Variants in MIA2 observed in about 807,000 individuals in gnomAD.
MIA2 encodes the protein melanoma inhibitory activity protein 2.
MIA2 carries 127 observed loss-of-function variants against 167.8 expected under a neutral mutation model. That is an observed-to-expected ratio of 0.76 (90% CI 0.66 to 0.88). The LOEUF (loss-of-function observed/expected upper bound fraction) is 0.88, where lower values mean the gene tolerates loss of function less well. MIA2 is among the 40% of genes least tolerant of loss of function. MIA2 has a pLI of 0.00. For synonymous variants in MIA2, 552 were observed against 541.9 expected (o/e 1.02, Z -0.26); for missense variants, 1,690 against 1,624.7 (o/e 1.04, Z -0.69).
At chr14:39,266,662 C>A (rs1423849696) in intron 6 of MIA2, 1 of 985,452 alleles carries the variant, frequency 1.0e-6, no homozygotes, top group East Asian at 1.1e-4. Context: ...CCGGCGCGTG[C>A]CCCGCAGGCC....
intron 25 of MIA2, among the ~76,000 whole-genome samples, chr14:39,329,058 G>T (rs1310494639): frequency 1.3e-5 from 2 of 152,182 alleles, no homozygotes; most frequent in Admixed American, 1.3e-4. Context: ...ACTTTGGGTA[G>T]TATGGCCATT....
At chr14:39,377,496 A>AG (rs1232491568) in intron 23 of MIA2, among the ~76,000 whole-genome samples, 1 of 152,214 alleles carries the variant, frequency 6.6e-6, no homozygotes, top group Admixed American at 6.5e-5. Flanking sequence ...ATTATTTTGG[A>AG]GAGTCATAGC....
intron 9 of MIA2, among the ~76,000 whole-genome samples, chr14:39,287,948 G>A (rs1178325122): frequency 1.3e-5 from 2 of 152,124 alleles, no homozygotes; most frequent in Non-Finnish European, 2.9e-5. Context: ...GGGGTCATGT[G>A]ATTCTCCCAC....
chr14:39,378,273 A>T (rs1190892296), intron 23 of MIA2, among the ~76,000 whole-genome samples: 2 of 152,374 alleles, frequency 1.3e-5, no homozygotes, highest in East Asian at 3.8e-4. Context: ...GTGTTAAACA[A>T]AAAGTCATAA....
At chr14:39,373,547 C>T (rs987439880) in intron 23 of MIA2, among the ~76,000 whole-genome samples, 3 of 152,260 alleles carry the variant, frequency 2.0e-5, no homozygotes, top group Admixed American at 6.5e-5. Context: ...TAGGGCTAGG[C>T]GTGGTGGTTC....
chr14:39,344,938 A>G (rs976503282), intron 25 of MIA2, among the ~76,000 whole-genome samples: 12 of 152,184 alleles, frequency 7.9e-5, no homozygotes, highest in African/African-American at 2.7e-4. Flanking sequence ...ACCCCTGGGG[A>G]CAAAGGGTGG....
Position 39,320,994 on chromosome 14 carries a change from C to T in MIA2, c.3434C>T (p.Pro1145Leu), listed in dbSNP as rs267603988. ...PSSETRAFLS[P>L]PTLLEGPLRL... is the part of the protein sequence containing the mutation. ...TCTGAAACAAGAGCTTTTCTCTCTC[C>T]TCCAACTTTGTTGGAGGGTCCACTC... is the stretch of plus-strand genomic sequence containing the variant. The change falls in exon 24 of 29, where the codon CCT becomes CTT. Residue 1145 changes from proline (P) to leucine (L), a missense_variant. By Grantham distance (98) the Pro-to-Leu change is moderately conservative (BLOSUM62 -3). Coordinates refer to ENST00000640607, the MANE Select transcript of MIA2 (RefSeq NM_001329214.4). The T allele has an allele frequency of 6.8e-6, 11 of 1,613,642 alleles. No homozygotes were observed. The highest frequency in any genetic ancestry group is 2.7e-5 in the African/African-American group (2 of 74,928).
chr14:39,331,401 C>G (rs1283544371), intron 25 of MIA2, among the ~76,000 whole-genome samples: 1 of 152,124 alleles, frequency 6.6e-6, no homozygotes, highest in East Asian at 1.9e-4. Flanking sequence ...GGTCTTGACT[C>G]TTTATCCAAT....
At chr14:39,254,432 A>G (rs966569606) in intron 6 of MIA2, among the ~76,000 whole-genome samples, 4 of 152,242 alleles carry the variant, frequency 2.6e-5, no homozygotes, top group African/African-American at 9.6e-5. Context: ...TATAAAGTCT[A>G]TCAATGCTGT....
intron 23 of MIA2, among the ~76,000 whole-genome samples, chr14:39,357,132 G>A (rs1567046710): frequency 1.3e-5 from 2 of 151,940 alleles, no homozygotes; most frequent in East Asian, 3.9e-4. Flanking sequence ...TCGTTGATCT[G>A]TCTAATGTTG....
At chr14:39,351,534 A>G (rs1595925694), downstream of MIA2, 1 of 152,340 alleles carries the variant, frequency 6.6e-6, no homozygotes, top group East Asian at 1.9e-4. Flanking sequence ...TTGAAATACT[A>G]ACCCCCAAGG....
chr14:39,246,430 A>T (rs556844915), intron 3 of MIA2, among the ~76,000 whole-genome samples: 10 of 152,294 alleles, frequency 6.6e-5, no homozygotes, highest in Admixed American at 6.5e-4. Flanking sequence ...CAAATAAATC[A>T]TAATGGGCCT....
At position 39,347,790 on chromosome 14, in the gene MIA2, G is replaced by A; in HGVS notation, c.3837+19G>A. ...TCTTGGTGTAAGTATTGAAAGAGTG[G>A]AATTGTATGCATGTATTCAGAAGCC... On this transcript the variant is annotated intron_variant, in intron 27 of 28. Coordinates refer to ENST00000640607, the MANE Select transcript of MIA2 (RefSeq NM_001329214.4). 6.6e-7 allele frequency: 1 copy of A among 1,526,612 alleles called. No homozygotes were observed. The highest frequency in any genetic ancestry group is 1.1e-5 in the South Asian group (1 of 89,136). 94.6% of individuals were successfully genotyped at this position (1,526,612 alleles called of 1,614,324 possible).
At chr14:39,363,366 C>CA (rs1168760093) in intron 23 of MIA2, among the ~76,000 whole-genome samples, 1 of 152,082 alleles carries the variant, frequency 6.6e-6, no homozygotes, top group Non-Finnish European at 1.5e-5. Context: ...CCTGTCTCTA[C>CA]AAAAAATACA....
chr14:39,385,657 T>C, intron 23 of MIA2: 2 of 932,424 alleles, frequency 2.1e-6, no homozygotes, highest in Non-Finnish European at 3.6e-6. Flanking sequence ...TTCTAAAAGC[T>C]TAAATGCAAT....
intron 14 of MIA2, among the ~76,000 whole-genome samples, chr14:39,300,402 T>C (rs1010011552): frequency 5.3e-5 from 8 of 152,154 alleles, no homozygotes; most frequent in African/African-American, 1.9e-4. Flanking sequence ...TTTTAAAAAA[T>C]AAATTTAATT....
intron 23 of MIA2, among the ~76,000 whole-genome samples, chr14:39,359,472 A>G (rs2074622832): frequency 1.3e-5 from 2 of 152,190 alleles, no homozygotes; most frequent in Admixed American, 1.3e-4. Context: ...TGGCTAGGAA[A>G]GGGAGTTCCC....
chr14:39,269,796 C>T (rs2056804434), intron 6 of MIA2, among the ~76,000 whole-genome samples: 1 of 152,186 alleles, frequency 6.6e-6, no homozygotes, highest in Non-Finnish European at 1.5e-5. Flanking sequence ...GCTGGGATTA[C>T]AGGCGTGAGC....
chr14:39,315,639 A>G (rs773925196), intron 20 of MIA2, 44 bp from the exon 21 acceptor site: 1 of 1,436,318 alleles, frequency 7.0e-7, no homozygotes, highest in East Asian at 2.3e-5. Context: ...TTTTTACTTA[A>G]GAAAAATAAT....
Sources: gnomAD v4.1 joint callset for allele counts (sites outside exome capture counted in the v4.1 genomes callset) on GRCh38, gnomAD v4.1.1 for gene constraint, MANE v1.5 for transcripts, NCBI Gene and HGNC (gene_info 2026-07-23, HGNC 2026-07-21) for gene names.